The following CLDN10 variants were observed in gnomAD, a reference collection of about 807,000 sequenced individuals.
The protein encoded by CLDN10 is claudin-10.
In CLDN10, 15 loss-of-function variants were observed where a neutral mutation model predicts 22.9. That is an observed-to-expected ratio of 0.65 (90% CI 0.44 to 1.01). The LOEUF is 1.01. Among genes scored for constraint, CLDN10 ranks in the 50% least tolerant of loss-of-function variants. The probability of loss-of-function intolerance (pLI) is 0.00; values close to 1 mark genes in which losing one functional copy is unlikely to be tolerated. For missense variants in CLDN10, 247 were observed against 287.8 expected, an observed-to-expected ratio of 0.86 and a Z score of 1.03; for synonymous variants, 114 against 111.4, an observed-to-expected ratio of 1.02 and a Z score of -0.15.
intron 1 of CLDN10, among the ~76,000 whole-genome samples, chr13:95,473,591 G>A (rs142308282): frequency 3.2e-4 from 49 of 152,310 alleles, no homozygotes; most frequent in African/African-American, 1.1e-3. Context: ...AGGCTCTCAC[G>A]TGCCTTATTC....
chr13:95,563,700 G>A (rs1182210932), intron 3 of CLDN10, among the ~76,000 whole-genome samples: 1 of 152,056 alleles, frequency 6.6e-6, no homozygotes, highest in East Asian at 1.9e-4. Context: ...GATACCATCA[G>A]ATTCTAATTA....
intron 1 of CLDN10, among the ~76,000 whole-genome samples, chr13:95,541,079 T>C (rs961678739): frequency 6.6e-6 from 1 of 152,254 alleles, no homozygotes; most frequent in Non-Finnish European, 1.5e-5. Context: ...AATCTGGCTC[T>C]GTCATTAACC....
chr13:95,556,679 C>T (rs1326007443), intron 1 of CLDN10, among the ~76,000 whole-genome samples: 2 of 152,124 alleles, frequency 1.3e-5, no homozygotes, highest in Non-Finnish European at 2.9e-5. Context: ...ATAGAAGCAC[C>T]AGAGGTGAAA....
intron 1 of CLDN10, among the ~76,000 whole-genome samples, chr13:95,489,228 T>C (rs534335909): frequency 6.6e-6 from 1 of 152,178 alleles, no homozygotes; most frequent in South Asian, 2.1e-4. Flanking sequence ...GGATTACAGA[T>C]GTAAGCCACC....
chr13:95,545,529 C>T (rs970180346), intron 1 of CLDN10, among the ~76,000 whole-genome samples: 2 of 152,122 alleles, frequency 1.3e-5, no homozygotes, highest in Non-Finnish European at 2.9e-5. Flanking sequence ...AAGAGCAAAA[C>T]TCCATCTCAA....
chr13:95,474,628 A>G (rs2042667343), intron 1 of CLDN10, among the ~76,000 whole-genome samples: 1 of 152,242 alleles, frequency 6.6e-6, no homozygotes, highest in African/African-American at 2.4e-5. Context: ...ATCCAAGAAG[A>G]AGCTGTGTAT....
At chr13:95,556,678 C>G (rs899686557) in intron 1 of CLDN10, among the ~76,000 whole-genome samples, 1 of 152,238 alleles carries the variant, frequency 6.6e-6, no homozygotes, top group Non-Finnish European at 1.5e-5. Context: ...AATAGAAGCA[C>G]CAGAGGTGAA....
chr13:95,433,760 G>A, exon 1 of CLDN10: 1 of 1,503,724 alleles, frequency 6.7e-7, no homozygotes, highest in East Asian at 2.3e-5. Flanking sequence ...TTGTCAAAGT[G>A]TTCTCTATCG....
At chr13:95,464,097 A>T (rs965734982) in intron 1 of CLDN10, among the ~76,000 whole-genome samples, 1 of 148,900 alleles carries the variant, frequency 6.7e-6, no homozygotes, top group African/African-American at 2.4e-5. Flanking sequence ...ATTTTTTTTA[A>T]ATATATATAT....
At chr13:95,463,089 G>C (rs1361527301) in intron 1 of CLDN10, among the ~76,000 whole-genome samples, 3 of 151,612 alleles carry the variant, frequency 2.0e-5, no homozygotes, top group African/African-American at 4.8e-5. Context: ...TCTAACCAGG[G>C]ACCCACATCT....
intron 1 of CLDN10, among the ~76,000 whole-genome samples, chr13:95,514,310 T>C (rs1839073554): frequency 1.3e-5 from 2 of 152,090 alleles, no homozygotes; most frequent in Non-Finnish European, 2.9e-5. Context: ...GACTTCAGAC[T>C]GATAGCTAGA....
chr13:95,554,121 A>C (rs1382104389), intron 1 of CLDN10, among the ~76,000 whole-genome samples: 1 of 152,178 alleles, frequency 6.6e-6, no homozygotes, highest in African/African-American at 2.4e-5. Context: ...CCGTATAAGG[A>C]ATACGCATCT....
intron 1 of CLDN10, among the ~76,000 whole-genome samples, chr13:95,524,588 G>A (rs2043259359): frequency 6.6e-6 from 1 of 151,966 alleles, no homozygotes; most frequent in Admixed American, 6.6e-5. Context: ...TCCACCTTTG[G>A]GCTATTGTGA....
intron 1 of CLDN10, among the ~76,000 whole-genome samples, chr13:95,438,404 C>T (rs2042293073): frequency 6.6e-6 from 1 of 152,208 alleles, no homozygotes. Flanking sequence ...CGTGCCCTGC[C>T]AAGGCCTTTT....
intron 1 of CLDN10, among the ~76,000 whole-genome samples, chr13:95,531,013 G>C (rs1243400040): frequency 1.3e-5 from 2 of 151,664 alleles, no homozygotes; most frequent in African/African-American, 4.8e-5. Context: ...CAGCCTCCCG[G>C]GTTCAAGCGA....
chr13:95,563,134 C>G (rs1414689129), intron 3 of CLDN10, among the ~76,000 whole-genome samples: 3 of 145,846 alleles, frequency 2.1e-5, no homozygotes, highest in Non-Finnish European at 4.5e-5. Context: ...CTCTCTCTCT[C>G]TGTCTGTATT....
chr13:95,509,171 T>C (rs1455437568), intron 1 of CLDN10, among the ~76,000 whole-genome samples: 1 of 152,130 alleles, frequency 6.6e-6, no homozygotes, highest in African/African-American at 2.4e-5. Context: ...TGGTCAGACA[T>C]GGGAGATGAA....
intron 1 of CLDN10, among the ~76,000 whole-genome samples, chr13:95,543,156 T>C (rs1478483758): frequency 6.6e-6 from 1 of 152,148 alleles, no homozygotes; most frequent in Non-Finnish European, 1.5e-5. Context: ...TGCTTGAACC[T>C]GGGAGGCAGA....
intron 3 of CLDN10, among the ~76,000 whole-genome samples, chr13:95,575,840 G>A (rs552227059): frequency 5.3e-5 from 8 of 152,284 alleles, no homozygotes; most frequent in Admixed American, 2.6e-4. Flanking sequence ...TCTTGTGCAC[G>A]TAACTCCATC....
Sources: allele counts gnomAD v4.1 joint callset (sites outside exome capture counted in the v4.1 genomes callset), GRCh38; gene constraint gnomAD v4.1.1; transcripts MANE v1.5; gene names NCBI Gene and HGNC (gene_info 2026-07-23, HGNC 2026-07-21).